Variants in ENOX1 observed in about 807,000 individuals in gnomAD.
The protein encoded by ENOX1 is candidate growth-related and time keeping constitutive hydroquinone (NADH) oxidase.
Under a neutral mutation model 82.5 loss-of-function variants are expected in ENOX1, and 42 were observed. The observed-to-expected ratio is 0.51, with a 90% CI of 0.40 to 0.66. The LOEUF is 0.66. ENOX1 is among the 30% of genes least tolerant of loss of function. The pLI, the probability that ENOX1 is intolerant of heterozygous loss-of-function variation, is 0.00. For missense variants in ENOX1, 608 were observed against 811.6 expected, an observed-to-expected ratio of 0.75 and a Z score of 3.05; for synonymous variants, 271 against 282.2, an observed-to-expected ratio of 0.96 and a Z score of 0.40.
intron 1 of ENOX1, among the ~76,000 whole-genome samples, chr13:43,758,302 T>C (rs1216976108): frequency 6.6e-6 from 1 of 151,648 alleles, no homozygotes; most frequent in Non-Finnish European, 1.5e-5. Flanking sequence ...AGCAATAAAA[T>C]GGAACAAATT....
intron 2 of ENOX1, among the ~76,000 whole-genome samples, chr13:43,656,884 G>A (rs569027671): frequency 7.9e-5 from 12 of 152,084 alleles, no homozygotes; most frequent in African/African-American, 2.9e-4. Context: ...CATGTTAAAG[G>A]GACAACAGGA....
intron 16 of ENOX1, among the ~76,000 whole-genome samples, chr13:43,220,828 G>A (rs1339059385): frequency 6.6e-6 from 1 of 152,182 alleles, no homozygotes; most frequent in Non-Finnish European, 1.5e-5. Flanking sequence ...CCCAGAATAT[G>A]CATACTATTA....
intron 1 of ENOX1, among the ~76,000 whole-genome samples, chr13:43,769,467 C>T (rs1356282396): frequency 6.6e-6 from 1 of 152,032 alleles, no homozygotes; most frequent in Admixed American, 6.5e-5. Flanking sequence ...AGAAAAACTA[C>T]AGTTGAGAGC....
intron 1 of ENOX1, among the ~76,000 whole-genome samples, chr13:43,691,989 C>T (rs748691116): frequency 7.2e-5 from 11 of 152,120 alleles, no homozygotes; most frequent in Non-Finnish European, 1.6e-4. Context: ...CATGAGCCAC[C>T]GTGCCTGGCC....
At chr13:43,726,747 T>TGC (rs2088991262) in intron 1 of ENOX1, among the ~76,000 whole-genome samples, 1 of 135,768 alleles carries the variant, frequency 7.4e-6, no homozygotes, top group South Asian at 2.3e-4. Flanking sequence ...TGTGTGTGTG[T>TGC]GTGTGTGAGA....
intron 2 of ENOX1, among the ~76,000 whole-genome samples, chr13:43,532,043 G>T (rs1354545042): frequency 6.6e-6 from 1 of 151,806 alleles, no homozygotes; most frequent in Non-Finnish European, 1.5e-5. Flanking sequence ...CCTGCACGTT[G>T]TGCACATGTA....
chr13:43,385,077 G>A lies in ENOX1; in HGVS notation c.209-23625C>T, dbSNP rs556593704. Among the ~76,000 whole-genome samples, 7 of 152,244 alleles carry A rather than the reference G, an allele frequency of 4.6e-5. No homozygotes were observed. In the South Asian group the frequency reaches 1.2e-3, roughly 27 times the overall value. ...GTGGCACTGGGATCTAGTGGTGGGT[G>A]CCCCGCTTTCTGGATGGCAGGGAAA... On this transcript the variant is annotated intron_variant, in intron 5 of 16. Coordinates refer to ENST00000690772, the MANE Select transcript of ENOX1 (RefSeq NM_001347969.2).
chr13:43,488,674 G>T (rs1050019317), intron 2 of ENOX1, among the ~76,000 whole-genome samples: 1 of 152,166 alleles, frequency 6.6e-6, no homozygotes, highest in African/African-American at 2.4e-5. Context: ...ATTGTGGTGA[G>T]GGCTAAGAAG....
At chr13:43,507,598 G>A (rs1292834759) in intron 2 of ENOX1, among the ~76,000 whole-genome samples, 1 of 151,992 alleles carries the variant, frequency 6.6e-6, no homozygotes, top group Non-Finnish European at 1.5e-5. Flanking sequence ...AAGATTCGGA[G>A]TATTTACTTC....
chr13:43,346,237 G>A (rs2049371105), intron 8 of ENOX1, among the ~76,000 whole-genome samples: 1 of 152,146 alleles, frequency 6.6e-6, no homozygotes, highest in South Asian at 2.1e-4. Flanking sequence ...CTGAATGAAG[G>A]TGGGGCTGAA....
At chr13:43,625,757 G>A (rs895952108) in intron 2 of ENOX1, among the ~76,000 whole-genome samples, 19 of 151,788 alleles carry the variant, frequency 1.3e-4, no homozygotes, top group Admixed American at 1.2e-3. Context: ...TATTTGCTAA[G>A]TATTTTTACT....
intron 2 of ENOX1, among the ~76,000 whole-genome samples, chr13:43,527,511 T>C (rs1166438846): frequency 6.6e-6 from 1 of 152,154 alleles, no homozygotes; most frequent in Non-Finnish European, 1.5e-5. Flanking sequence ...AAAAAATATA[T>C]TGATTTTGGA....
At chr13:43,544,909 G>A (rs1178283938) in intron 2 of ENOX1, 2 of 152,180 alleles carry the variant, frequency 1.3e-5, no homozygotes, top group Non-Finnish European at 2.9e-5. Flanking sequence ...GTTGATAAGA[G>A]AGAACAGTGG....
intron 2 of ENOX1, among the ~76,000 whole-genome samples, chr13:43,661,719 T>C (rs2084739877): frequency 6.6e-6 from 1 of 152,142 alleles, no homozygotes. Context: ...AAATGAGGGA[T>C]CTACATTTAC....
At chr13:43,446,758 C>T (rs963479875) in intron 3 of ENOX1, among the ~76,000 whole-genome samples, 1 of 152,208 alleles carries the variant, frequency 6.6e-6, no homozygotes, top group South Asian at 2.1e-4. Flanking sequence ...TTCTCATGTG[C>T]CCCAAATTGT....
At position 43,679,013 on chromosome 13, in the gene ENOX1, GA is replaced by G. The variant is rs547471549; in HGVS notation, c.-284-11470del. 1.6e-3 allele frequency among the ~76,000 whole-genome samples: 244 copies of G among 151,854 alleles called. 1 individual carries two copies. Among genetic ancestry groups the G allele is most frequent in the African/African-American group, 5.5e-3 (226 of 41,428 alleles). On this transcript the variant is annotated intron_variant, in intron 1 of 16. Coordinates refer to ENST00000690772, the MANE Select transcript of ENOX1 (RefSeq NM_001347969.2). The stretch of plus-strand genomic sequence containing the variant: ...TGTTCAATAAATTTTGATAATTTTA[GA>G]AAAAAAATTTCCAGGGAATTGAAGC...
chr13:43,227,235 T>C (rs575219706), intron 15 of ENOX1, among the ~76,000 whole-genome samples: 3 of 152,248 alleles, frequency 2.0e-5, no homozygotes, highest in African/African-American at 7.2e-5. Context: ...CTCTGTGAAG[T>C]TGGCACCCTC....
intron 11 of ENOX1, among the ~76,000 whole-genome samples, chr13:43,312,709 GAAAT>G (rs745614124): frequency 6.6e-6 from 1 of 152,080 alleles, no homozygotes; most frequent in Non-Finnish European, 1.5e-5. Context: ...CTGCTTTCAG[GAAAT>G]AAATGTCACT....
chr13:43,213,996 AGTTTT>A lies in ENOX1; in HGVS notation c.1921_1925del (p.Lys641TyrfsTer64). ...GATGCTTTGCTCTTCGCAGTTAGGTAGTTTTAATTCCTTCAAAGGCACACAGCTTC... is the reference window on the plus strand; with the variant it reads ...GATGCTTTGCTCTTCGCAGTTAGGTAAATTCCTTCAAAGGCACACAGCTTC... On this transcript the variant is annotated frameshift_variant, in exon 17 of 17. Coordinates refer to ENST00000690772, the MANE Select transcript of ENOX1 (RefSeq NM_001347969.2). LOFTEE classifies it high-confidence loss of function. 1 of 1,613,572 alleles carries A rather than the reference AGTTTT, an allele frequency of 6.2e-7. No homozygotes were observed. The highest frequency in any genetic ancestry group is 8.5e-7 in the Non-Finnish European group (1 of 1,179,706).
Sources: allele counts gnomAD v4.1 joint callset (sites outside exome capture counted in the v4.1 genomes callset), GRCh38; gene constraint gnomAD v4.1.1; transcripts MANE v1.5; gene names NCBI Gene and HGNC (gene_info 2026-07-23, HGNC 2026-07-21).